The following SCAF4 variants were observed in gnomAD, a reference collection of about 807,000 sequenced individuals.
SCAF4 encodes SR-related and CTD-associated factor 4.
A neutral mutation model predicts 129.8 loss-of-function variants in SCAF4; 25 were observed. The observed-to-expected ratio is 0.19, with a 90% CI of 0.14 to 0.27. The LOEUF is 0.27. Ranked by LOEUF, SCAF4 falls within the 10% of genes least tolerant of loss-of-function variation. The probability of loss-of-function intolerance (pLI) is 1.00; values close to 1 mark genes in which losing one functional copy is unlikely to be tolerated. For missense variants in SCAF4, 1,246 were observed against 1,457.1 expected, an observed-to-expected ratio of 0.86 and a Z score of 2.36; for synonymous variants, 551 against 497.7, an observed-to-expected ratio of 1.11 and a Z score of -1.43.
At chr21:31,675,050 C>T (rs759168098) in intron 19 of SCAF4, among the ~76,000 whole-genome samples, 10 of 151,976 alleles carry the variant, frequency 6.6e-5, no homozygotes, top group Non-Finnish European at 1.3e-4. Flanking sequence ...TAAGGAAGGA[C>T]GTTACTATCA....
At chr21:31,693,561 CAG>C (rs1402889904) in intron 11 of SCAF4, 77 bp from the exon 12 acceptor site, 3 of 956,626 alleles carry the variant, frequency 3.1e-6, no homozygotes, top group Non-Finnish European at 4.3e-6. Flanking sequence ...CTAATTAAAA[CAG>C]AACAAAAACT....
rs569216135 is a variant in SCAF4 at position 31,728,650 on chromosome 21, T to A, written c.30+3013A>T. ...GTGGGAATACATATTAAATTAGATATGTGTACATATCTAATGCCTGACATG... is the reference window on the plus strand; with the variant it reads ...GTGGGAATACATATTAAATTAGATAAGTGTACATATCTAATGCCTGACATG... On this transcript the variant is annotated intron_variant, in intron 1 of 19. Coordinates refer to ENST00000286835, the MANE Select transcript of SCAF4 (RefSeq NM_020706.2). Among the ~76,000 whole-genome samples, 28 of 152,272 alleles carry A rather than the reference T, an allele frequency of 1.8e-4. No individual in the cohort carries two copies. The East Asian group carries it at 5.4e-3, about 29-fold the overall frequency.
intron 1 of SCAF4, among the ~76,000 whole-genome samples, chr21:31,717,915 A>G (rs2050974520): frequency 2.0e-5 from 2 of 102,012 alleles, no homozygotes; most frequent in Admixed American, 1.9e-4. Flanking sequence ...ACACACACAC[A>G]CACACACACA....
chr21:31,701,920 TA>T lies in SCAF4; in HGVS notation c.458-3del, dbSNP rs775858118. On this transcript the variant is annotated splice_polypyrimidine_tract_variant and splice_region_variant and intron_variant, in intron 5 of 19. Coordinates refer to ENST00000286835, the MANE Select transcript of SCAF4 (RefSeq NM_020706.2). Reference sequence around the variant, plus strand: ...CTTTTACTGGAGGTGGAGGTGAGCCTAAAAAAGAAAAGGGCATTAAGGCCTA... The same window carrying T: ...CTTTTACTGGAGGTGGAGGTGAGCCTAAAAAGAAAAGGGCATTAAGGCCTA... 3 of 1,612,944 alleles carry T rather than the reference TA, an allele frequency of 1.9e-6. No individual in the cohort carries two copies. The highest frequency in any genetic ancestry group is 4.5e-5 in the East Asian group (2 of 44,846).
At chr21:31,694,668 A>G in intron 10 of SCAF4, 145 bp downstream of exon 10, 1 of 778,012 alleles carries the variant, frequency 1.3e-6, no homozygotes, top group Non-Finnish European at 2.1e-6. Context: ...TTTCCAGATG[A>G]AAAACCTGGA....
chr21:31,723,610 ATGTGTGTG>A (rs368505231), intron 1 of SCAF4, among the ~76,000 whole-genome samples: 2 of 149,222 alleles, frequency 1.3e-5, no homozygotes, highest in South Asian at 2.1e-4. Context: ...GATTTATATG[ATGTGTGTG>A]TGTGTGTGTG....
At chr21:31,715,603 C>A (rs1453002418) in intron 1 of SCAF4, among the ~76,000 whole-genome samples, 2 of 152,154 alleles carry the variant, frequency 1.3e-5, no homozygotes, top group African/African-American at 4.8e-5. Flanking sequence ...TTCTAACAGA[C>A]CTTTCAACCT....
intron 4 of SCAF4, among the ~76,000 whole-genome samples, chr21:31,702,686 A>C (rs1022691323): frequency 6.6e-6 from 1 of 152,152 alleles, no homozygotes; most frequent in Non-Finnish European, 1.5e-5. Context: ...ACCCCCCAAA[A>C]AAAAGCTATC....
chr21:31,701,845 T>C lies in SCAF4; in HGVS notation c.531A>G (p.Val177=), dbSNP rs370241710. 17 of 1,614,056 alleles carry C rather than the reference T, an allele frequency of 1.1e-5. No homozygotes were observed. Among genetic ancestry groups the C allele is most frequent in the Non-Finnish European group, 1.4e-5 (16 of 1,179,988 alleles). The change falls in exon 6 of 20, where the codon GTA becomes GTG. Residue 177 remains valine, a synonymous_variant. Coordinates refer to ENST00000286835, the MANE Select transcript of SCAF4 (RefSeq NM_020706.2). The part of the protein sequence containing the change: ...TQATPNSVPA[V]PQLPSSDAFA... Reference sequence around the variant, plus strand: ...AAGCATCAGAGCTGGGCAACTGTGGTACAGCTGGGACGGAGTTTGGAGTGG... The same window carrying C: ...AAGCATCAGAGCTGGGCAACTGTGGCACAGCTGGGACGGAGTTTGGAGTGG...
At chr21:31,697,466 T>C (rs1359982100) in intron 7 of SCAF4, among the ~76,000 whole-genome samples, 1 of 152,162 alleles carries the variant, frequency 6.6e-6, no homozygotes, top group Non-Finnish European at 1.5e-5. Context: ...GCAATGTAGA[T>C]AGTTTCTTCT....
Position 31,705,409 on chromosome 21 carries a change from T to C in SCAF4, c.159+14A>G. On this transcript the variant is annotated intron_variant, in intron 3 of 19. Coordinates refer to ENST00000286835, the MANE Select transcript of SCAF4 (RefSeq NM_020706.2). ...TATTGTAACTAAAATGAGGTTATAA[T>C]GAGAGATAGTTACCTTTTTGATGAA... 1 of 1,137,356 alleles carries C rather than the reference T, an allele frequency of 8.8e-7. No individual in the cohort carries two copies. The highest frequency in any genetic ancestry group is 1.6e-5 in the African/African-American group (1 of 62,368). The allele number at this position is 1,137,356 out of a possible 1,614,324, so 70.5% of individuals were successfully genotyped here. A position where few individuals can be genotyped will look rare whatever the true frequency, so the allele number is the denominator to read the frequency against.
chr21:31,690,733 C>G (rs890046651), intron 15 of SCAF4, 64 bp downstream of exon 15: 19 of 1,449,842 alleles, frequency 1.3e-5, no homozygotes, highest in Admixed American at 1.2e-4. Context: ...ACAGGACATT[C>G]GATTTGTCAT....
chr21:31,687,938 T>C (rs1223796423), intron 16 of SCAF4, among the ~76,000 whole-genome samples: 1 of 151,496 alleles, frequency 6.6e-6, no homozygotes, highest in African/African-American at 2.4e-5. Flanking sequence ...TGAAGCCCCG[T>C]CTCTACTAAA....
At chr21:31,700,870 G>T in intron 7 of SCAF4, 125 bp downstream of exon 7, 1 of 1,081,798 alleles carries the variant, frequency 9.2e-7, no homozygotes, top group Non-Finnish European at 1.4e-6. Context: ...TTGTTGAGGG[G>T]GAAAATCTCT....
rs2050350456 is a variant in SCAF4 at position 31,694,984 on chromosome 21, T to C, written c.1069-4A>G. ...GTCCATTAGGAGGAAGTGGAACCTTTCATTTTTAAAGAAAGTGTATGAGTA... is the reference window on the plus strand; with the variant it reads ...GTCCATTAGGAGGAAGTGGAACCTTCCATTTTTAAAGAAAGTGTATGAGTA... On this transcript the variant is annotated splice_polypyrimidine_tract_variant and splice_region_variant and intron_variant, in intron 9 of 19. Coordinates refer to ENST00000286835, the MANE Select transcript of SCAF4 (RefSeq NM_020706.2). 1 of 1,612,114 alleles carries C rather than the reference T, an allele frequency of 6.2e-7. No homozygotes were observed. The highest frequency in any genetic ancestry group is 1.3e-5 in the African/African-American group (1 of 74,800).
chr21:31,703,144 T>C (rs1418625289), intron 4 of SCAF4, among the ~76,000 whole-genome samples: 2 of 152,036 alleles, frequency 1.3e-5, no homozygotes, highest in Non-Finnish European at 2.9e-5. Context: ...AGTATCTCTA[T>C]ATGTTGGGGA....
intron 19 of SCAF4, among the ~76,000 whole-genome samples, chr21:31,677,023 C>T (rs2049874545): frequency 6.6e-6 from 1 of 152,050 alleles, no homozygotes; most frequent in African/African-American, 2.4e-5. Context: ...TGTTTAAGTC[C>T]TTCATTTTTT....
Position 31,701,099 on chromosome 21 carries a change from C to T in SCAF4, c.673G>A (p.Ala225Thr). The T allele has an allele frequency of 6.2e-7, 1 of 1,613,728 alleles. No homozygotes were observed. Among genetic ancestry groups the T allele is most frequent in the African/African-American group, 1.3e-5 (1 of 74,976 alleles). ...TGAGCTGTGATAGCCTGAACCTGAG[C>T]CATCACAGCATTGTCAAGGGCAGGA... ...QSPALDNAVM[A>T]QVQAITAQLK... Residue 225 changes from alanine (A) to threonine (T), a missense_variant, in exon 7 of 20, where the codon GCT (alanine) becomes ACT (threonine). By Grantham distance (58) the Ala-to-Thr change is moderately conservative. Transcript: ENST00000286835.
At chr21:31,709,490 CTTT>C (rs1321488139) in intron 1 of SCAF4, among the ~76,000 whole-genome samples, 1 of 152,098 alleles carries the variant, frequency 6.6e-6, no homozygotes, top group East Asian at 1.9e-4. Context: ...AAAAGCACTT[CTTT>C]ATCATTTCAG....
Sources: allele counts gnomAD v4.1 joint callset (sites outside exome capture counted in the v4.1 genomes callset), GRCh38; gene constraint gnomAD v4.1.1; transcripts MANE v1.5; gene names NCBI Gene and HGNC (gene_info 2026-07-23, HGNC 2026-07-21).